AHI1: variants seen among roughly 807,000 people sequenced by gnomAD.
The protein encoded by AHI1 is jouberin.
In AHI1, 123 loss-of-function variants were observed where a neutral mutation model predicts 149.3. The ratio of observed to expected loss-of-function variants is 0.82; its 90% confidence interval spans 0.71 to 0.96. AHI1 has a LOEUF of 0.96. AHI1 is among the 40% of genes least tolerant of loss of function. The probability of loss-of-function intolerance (pLI) is 0.00; values close to 1 mark genes in which losing one functional copy is unlikely to be tolerated. For missense variants in AHI1, 1,439 were observed against 1,422.7 expected (o/e 1.01, Z -0.18); for synonymous variants, 475 against 459.8 (o/e 1.03, Z -0.42).
At chr6:135,301,187 C>T in intron 26 of AHI1, 1 of 980,076 alleles carries the variant, frequency 1.0e-6, no homozygotes, top group African/African-American at 1.7e-5. Context: ...GATATATAAT[C>T]TATAAATCAA....
intron 24 of AHI1, among the ~76,000 whole-genome samples, chr6:135,330,110 G>A (rs1788321287): frequency 6.6e-6 from 1 of 152,206 alleles, no homozygotes; most frequent in African/African-American, 2.4e-5. Context: ...AATAACAGAG[G>A]ATTTAGAATA....
chr6:135,419,099 T>C (rs189523355), intron 20 of AHI1, among the ~76,000 whole-genome samples: 4 of 152,160 alleles, frequency 2.6e-5, no homozygotes, highest in African/African-American at 9.6e-5. Flanking sequence ...TTGTATTTCC[T>C]TGACACACCT....
intron 5 of AHI1, among the ~76,000 whole-genome samples, chr6:135,481,066 T>C (rs1375950890): frequency 6.6e-6 from 1 of 152,142 alleles, no homozygotes; most frequent in African/African-American, 2.4e-5. Flanking sequence ...TAGATCATCA[T>C]AACGGTGGGG....
At chr6:135,301,722 G>A in intron 26 of AHI1, 2 of 985,414 alleles carry the variant, frequency 2.0e-6, no homozygotes, top group Non-Finnish European at 2.4e-6. Context: ...CCATTTGGTA[G>A]AACAACAAAA....
intron 24 of AHI1, among the ~76,000 whole-genome samples, chr6:135,346,454 C>T: frequency 6.6e-6 from 1 of 152,090 alleles, no homozygotes; most frequent in East Asian, 1.9e-4. Context: ...CCCACCTCGG[C>T]ATCCCAAAGT....
chr6:135,377,103 G>A (rs554297616), intron 23 of AHI1, among the ~76,000 whole-genome samples: 8 of 151,982 alleles, frequency 5.3e-5, no homozygotes, highest in African/African-American at 1.4e-4. Context: ...ATCTGAATAC[G>A]AACTGTTTAT....
chr6:135,376,766 C>T (rs1378056149), intron 23 of AHI1, among the ~76,000 whole-genome samples: 1 of 151,334 alleles, frequency 6.6e-6, no homozygotes, highest in African/African-American at 2.4e-5. Context: ...CCTGTAATCC[C>T]AGCTACTCGG....
chr6:135,301,845 CA>C (rs1783920442), intron 26 of AHI1: 2 of 985,424 alleles, frequency 2.0e-6, no homozygotes, highest in African/African-American at 3.5e-5. Flanking sequence ...ACTACTAATT[CA>C]GACTGCCCTC....
chr6:135,494,190 T>C (rs1383827753), intron 3 of AHI1, among the ~76,000 whole-genome samples: 1 of 152,242 alleles, frequency 6.6e-6, no homozygotes, highest in African/African-American at 2.4e-5. Flanking sequence ...TAGAATTAGT[T>C]TCCATAGTCA....
intron 7 of AHI1, among the ~76,000 whole-genome samples, chr6:135,464,478 T>A (rs928345933): frequency 1.3e-5 from 2 of 152,194 alleles, no homozygotes. Context: ...CATATTCATG[T>A]CTTTGTGTAA....
In AHI1 at chr6:135,358,542, T is replaced by C. The variant is rs117548625; in HGVS notation, c.3110-355A>G. Among the ~76,000 whole-genome samples the C allele has an allele frequency of 1.3e-3, 201 of 152,334 alleles. No individual in the cohort carries two copies. In the Middle Eastern group the frequency reaches 0.017, roughly 13 times the overall value. On this transcript the variant is annotated intron_variant, in intron 23 of 28. Coordinates refer to ENST00000265602, the MANE Select transcript of AHI1 (RefSeq NM_001134831.2). Reference sequence around the variant, plus strand: ...TTCTGATTCAAGGATATGAAGTTTTTAAAAAGAAGTATCACAAGGGCTATG... The same window carrying C: ...TTCTGATTCAAGGATATGAAGTTTTCAAAAAGAAGTATCACAAGGGCTATG...
chr6:135,480,364 G>A (rs1793425034), intron 5 of AHI1, among the ~76,000 whole-genome samples: 1 of 151,974 alleles, frequency 6.6e-6, no homozygotes, highest in African/African-American at 2.4e-5. Context: ...GTGTGGAGGT[G>A]GGAGAATTGC....
At position 135,313,283 on chromosome 6, in the gene AHI1, A is replaced by G. The variant is rs78561161; in HGVS notation, c.3426+5236T>C. Among the ~76,000 whole-genome samples the G allele has an allele frequency of 8.4e-3, 1,284 of 152,336 alleles. 14 individuals carry two copies. Among genetic ancestry groups the G allele is most frequent in the African/African-American group, 0.029 (1,186 of 41,566 alleles). On this transcript the variant is annotated intron_variant, in intron 26 of 28. Coordinates refer to ENST00000265602, the MANE Select transcript of AHI1 (RefSeq NM_001134831.2). ...CCTAAGAGAAAAAAATATATGCAGG[A>G]TTCTACTCTAACACGTGGATTCAGA...
intron 22 of AHI1, among the ~76,000 whole-genome samples, chr6:135,397,659 C>T (rs1248692009): frequency 2.0e-5 from 3 of 152,110 alleles, no homozygotes; most frequent in East Asian, 1.9e-4. Flanking sequence ...AAACTTGCTG[C>T]TCTGAACATG....
chr6:135,363,100 G>C (rs1794176732), intron 23 of AHI1, among the ~76,000 whole-genome samples: 2 of 151,038 alleles, frequency 1.3e-5, no homozygotes, highest in Admixed American at 1.3e-4. Context: ...TCGCAGAGGG[G>C]GATTTGGCAG....
intron 11 of AHI1, among the ~76,000 whole-genome samples, chr6:135,448,897 A>G (rs1787659409): frequency 2.0e-5 from 3 of 152,258 alleles, no homozygotes; most frequent in Admixed American, 2.0e-4. Flanking sequence ...TTTATGTTTT[A>G]AATTTTTAAA....
intron 27 of AHI1, among the ~76,000 whole-genome samples, chr6:135,295,522 T>C (rs1388543453): frequency 6.6e-6 from 1 of 152,220 alleles, no homozygotes; most frequent in African/African-American, 2.4e-5. Flanking sequence ...AATGTTGATA[T>C]TAGCTTCATT....
chr6:135,326,349 G>A (rs970613055), intron 24 of AHI1, among the ~76,000 whole-genome samples: 2 of 152,182 alleles, frequency 1.3e-5, no homozygotes, highest in African/African-American at 4.8e-5. Context: ...AGAGGCAGTA[G>A]GAGAAACCGA....
chr6:135,395,033 T>G lies in AHI1; in HGVS notation c.2989-137A>C, dbSNP rs1431537647. The G allele has an allele frequency of 3.2e-5, 26 of 820,524 alleles. No homozygotes were observed. The East Asian group carries it at 7.1e-4, about 22-fold the overall frequency. 50.8% of individuals were successfully genotyped at this position (820,524 alleles called of 1,614,324 possible). A position where few individuals can be genotyped will look rare whatever the true frequency, so the allele number is the denominator to read the frequency against. On this transcript the variant is annotated intron_variant, in intron 22 of 28. Transcript: ENST00000265602. ...AAAGGAGTGGTAATGATGTACATGGTTAGTTTGTAAACTTTACAAAAGAGA... is the reference window on the plus strand; with the variant it reads ...AAAGGAGTGGTAATGATGTACATGGGTAGTTTGTAAACTTTACAAAAGAGA...
Sources: gnomAD v4.1 joint callset for allele counts (sites outside exome capture counted in the v4.1 genomes callset) on GRCh38, gnomAD v4.1.1 for gene constraint, MANE v1.5 for transcripts, NCBI Gene and HGNC (gene_info 2026-07-23, HGNC 2026-07-21) for gene names.